CC2D2B: variants seen among roughly 807,000 people sequenced by gnomAD.
The protein encoded by CC2D2B is coiled-coil and C2 domain containing 2B, also known as protein CC2D2B.
A neutral mutation model predicts 161.2 loss-of-function variants in CC2D2B; 128 were observed. That is an observed-to-expected ratio of 0.79 (90% confidence interval 0.69 to 0.92). CC2D2B has a LOEUF of 0.92. CC2D2B is among the 40% of genes least tolerant of loss of function. CC2D2B has a pLI of 0.00. For synonymous variants in CC2D2B, 391 were observed against 449.8 expected (o/e 0.87, Z 1.65); for missense variants, 1,173 against 1,375.1 (o/e 0.85, Z 2.32).
intron 19 of CC2D2B, among the ~76,000 whole-genome samples, chr10:95,985,800 C>A (rs1189750520): frequency 6.6e-6 from 1 of 152,020 alleles, no homozygotes; most frequent in Non-Finnish European, 1.5e-5. Context: ...AAGGAACAGC[C>A]CTGAGAAAGA....
chr10:96,009,741 G>T, intron 25 of CC2D2B, 84 bp from the exon 26 acceptor site: 1 of 510,896 alleles, frequency 2.0e-6, no homozygotes, highest in South Asian at 5.6e-5. Context: ...GAAAGAGAAT[G>T]ACTTTTTATA....
At chr10:95,975,952 C>G (rs1378505279) in intron 17 of CC2D2B, among the ~76,000 whole-genome samples, 1 of 152,172 alleles carries the variant, frequency 6.6e-6, no homozygotes, top group Non-Finnish European at 1.5e-5. Flanking sequence ...TTTGCCTCAT[C>G]ATAATATTGT....
intron 17 of CC2D2B, among the ~76,000 whole-genome samples, chr10:95,981,163 G>A (rs567376919): frequency 2.6e-5 from 4 of 152,244 alleles, no homozygotes; most frequent in South Asian, 4.1e-4. Flanking sequence ...GGAGGCCAAG[G>A]GGGGCGGATC....
chr10:95,929,858 A>G (rs9633701), intron 6 of CC2D2B, among the ~76,000 whole-genome samples: 90,536 of 152,032 alleles, frequency 0.6, 27,585 homozygotes, highest in African/African-American at 0.67. Flanking sequence ...TTTTTGCTTA[A>G]TATTGTCTTG....
At chr10:95,938,738 G>A (rs2075916280) in intron 8 of CC2D2B, 33 bp downstream of exon 8, 2 of 702,854 alleles carry the variant, frequency 2.8e-6, no homozygotes, top group Non-Finnish European at 2.6e-6. Flanking sequence ...TAAAACACTG[G>A]CTACTATGTG....
intron 26 of CC2D2B, 60 bp downstream of exon 26, chr10:96,009,983 TTC>T: frequency 2.0e-6 from 2 of 1,012,120 alleles, no homozygotes; most frequent in Middle Eastern, 4.2e-4. Context: ...TAGAAAAACT[TTC>T]TGTTGTCTTT....
chr10:95,938,406 T>G lies in CC2D2B; in HGVS notation c.536-163T>G, dbSNP rs567311854. 5.4e-3 allele frequency: 3,233 copies of G among 601,616 alleles called. 19 individuals are homozygous for G. Among genetic ancestry groups the G allele is most frequent in the South Asian group, 6.2e-3 (273 of 44,022 alleles). 37.3% of individuals were successfully genotyped at this position (601,616 alleles called of 1,614,324 possible). A position where few individuals can be genotyped will look rare whatever the true frequency, so the allele number is the denominator to read the frequency against. On this transcript the variant is annotated intron_variant, in intron 7 of 34. Transcript: ENST00000646931. ...ATATATAGGCATATGTATTTATATA[T>G]AGAGAGAGAGAGCGAGCGAGAAAGT...
chr10:96,029,629 C>T (rs2079980128), intron 34 of CC2D2B, among the ~76,000 whole-genome samples: 1 of 151,952 alleles, frequency 6.6e-6, no homozygotes, highest in South Asian at 2.1e-4. Context: ...CCCTTGGTAT[C>T]ATTAGATTTA....
rs2079698932 is a variant in CC2D2B at position 96,025,193 on chromosome 10, ATATATATAT to A, written c.3947+283_3947+291del. Among the ~76,000 whole-genome samples, 15 of 54,742 alleles carry A rather than the reference ATATATATAT, an allele frequency of 2.7e-4. 1 individual carries two copies. Among genetic ancestry groups the A allele is most frequent in the South Asian group, 2.0e-3 (3 of 1,528 alleles). 35.9% of individuals were successfully genotyped at this position (54,742 alleles called of 152,430 possible). A position where few individuals can be genotyped will look rare whatever the true frequency, so the allele number is the denominator to read the frequency against. On this transcript the variant is annotated intron_variant, in intron 33 of 34. Transcript: ENST00000646931. ...TATATATATATATATATAAAAAAAA[ATATATATAT>A]ATATATATATATATATATAGCTGGG...
chr10:95,927,845 C>A (rs1210145222), intron 6 of CC2D2B, among the ~76,000 whole-genome samples: 3 of 152,042 alleles, frequency 2.0e-5, no homozygotes, highest in African/African-American at 7.2e-5. Flanking sequence ...CTCTCAGTCC[C>A]CCTCAAACTG....
At chr10:96,028,567 G>T (rs2079885325) in intron 34 of CC2D2B, among the ~76,000 whole-genome samples, 1 of 152,184 alleles carries the variant, frequency 6.6e-6, no homozygotes, top group Admixed American at 6.5e-5. Context: ...ATAGTTTAGA[G>T]GTTCCTCAAA....
intron 28 of CC2D2B, among the ~76,000 whole-genome samples, chr10:96,013,297 A>T (rs984357139): frequency 2.0e-5 from 3 of 152,038 alleles, no homozygotes; most frequent in Admixed American, 6.6e-5. Context: ...AGCACATTGT[A>T]CTACCCTAAT....
At chr10:95,988,446 C>T in intron 20 of CC2D2B, 104 bp downstream of exon 20, 1 of 436,632 alleles carries the variant, frequency 2.3e-6, no homozygotes, top group Non-Finnish European at 3.8e-6. Context: ...TGGACGAATC[C>T]ACTCACTCGT....
At chr10:95,924,449 C>A in intron 4 of CC2D2B, 59 bp downstream of exon 4, 3 of 940,758 alleles carry the variant, frequency 3.2e-6, no homozygotes, top group Admixed American at 2.9e-5. Context: ...ACATTTAACA[C>A]AATCAAGTTT....
At chr10:95,927,124 T>G in intron 5 of CC2D2B, 113 bp from the exon 6 acceptor site, 1 of 560,222 alleles carries the variant, frequency 1.8e-6, no homozygotes, top group Non-Finnish European at 3.1e-6. Context: ...GCCTTGGTGC[T>G]CCCTGTTTGC....
Position 96,032,123 on chromosome 10 carries a change from C to A in CC2D2B, c.*115C>A. 1.3e-6 allele frequency: 1 copy of A among 760,776 alleles called. No homozygotes were observed. Among genetic ancestry groups the A allele is most frequent in the East Asian group, 2.7e-5 (1 of 37,178 alleles). 47.1% of individuals were successfully genotyped at this position (760,776 alleles called of 1,614,324 possible). On this transcript the variant is annotated 3_prime_UTR_variant, in exon 35 of 35. Coordinates refer to ENST00000646931, the MANE Select transcript of CC2D2B (RefSeq NM_001349008.3). ...CTCAAGTCCAGCTAAGTGCTGGGCC[C>A]AATTTTTGATTCACTTACAGAGCTG...
At position 95,949,973 on chromosome 10, in the gene CC2D2B, C is replaced by A; in HGVS notation, c.879C>A (p.Asn293Lys). The change falls in exon 10 of 35, where the codon AAC becomes AAA. Residue 293 changes from asparagine (N) to lysine (K), a missense_variant. Around this residue, in one of 3 missense-constraint regions of CC2D2B, gnomAD observed 298 missense variants for 261.2 expected, o/e 1.14. Transcript: ENST00000646931. The part of the protein sequence containing the change: ...GSREIYQLDL[N>K]IVGLQFSHHH... ...GGGAAATATACCAGTTAGACCTCAA[C>A]ATTGTGGGTTTGCAATTCAGCCATC... 1.0e-5 allele frequency: 4 copies of A among 398,792 alleles called. No individual in the cohort carries two copies. The highest frequency in any genetic ancestry group is 8.9e-6 in the Non-Finnish European group (2 of 225,928). The allele number at this position is 398,792 out of a possible 1,614,324, so 24.7% of individuals were successfully genotyped here.
rs537219923 is a variant in CC2D2B, at chr10:96,009,759, G to A, written c.2947-66G>A. 197 of 590,742 alleles carry A rather than the reference G, an allele frequency of 3.3e-4. 2 individuals carry two copies. The African/African-American group carries it at 3.4e-3, about 10-fold the overall frequency. 36.6% of individuals were successfully genotyped at this position (590,742 alleles called of 1,614,324 possible). On this transcript the variant is annotated intron_variant, in intron 25 of 34. Transcript: ENST00000646931. ...AGAGAATGACTTTTTATATTTACCT[G>A]TGAGTTTATAAAACTATTCATCACA...
chr10:95,934,832 C>A (rs949264936), intron 6 of CC2D2B, among the ~76,000 whole-genome samples: 18 of 152,188 alleles, frequency 1.2e-4, no homozygotes, highest in South Asian at 4.1e-4. Context: ...TGTTCCTATT[C>A]CGCCATCTTG....
Sources: allele counts gnomAD v4.1 joint callset (sites outside exome capture counted in the v4.1 genomes callset), GRCh38; gene constraint gnomAD v4.1.1; regional missense constraint gnomAD v4.1.1; transcripts MANE v1.5; gene names NCBI Gene and HGNC (gene_info 2026-07-23, HGNC 2026-07-21).